PRKN: variants seen among roughly 807,000 people sequenced by gnomAD.
PRKN encodes the protein parkin RBR E3 ubiquitin protein ligase.
PRKN carries 56 observed loss-of-function variants against 59.5 expected under a neutral mutation model. The observed-to-expected ratio is 0.94, with a 90% CI of 0.76 to 1.18. The LOEUF is 1.18. Among genes scored for constraint, PRKN ranks in the 50% most tolerant of loss-of-function variants. The pLI is 0.00. For missense variants in PRKN, 657 were observed against 596.4 expected, an observed-to-expected ratio of 1.10 and a Z score of -1.06; for synonymous variants, 250 against 222.1, an observed-to-expected ratio of 1.13 and a Z score of -1.12.
intron 1 of PRKN, among the ~76,000 whole-genome samples, chr6:162,452,003 T>C (rs1186635684): frequency 6.6e-6 from 1 of 151,802 alleles, no homozygotes; most frequent in Non-Finnish European, 1.5e-5. Context: ...GAAAAGTTTG[T>C]CTGTCACATA....
intron 7 of PRKN, among the ~76,000 whole-genome samples, chr6:161,779,330 C>T (rs913283403): frequency 3.3e-5 from 5 of 151,964 alleles, no homozygotes; most frequent in African/African-American, 9.7e-5. Context: ...ATATGGGTTC[C>T]ATCAGCTCTT....
At chr6:162,555,816 C>T (rs868286584) in intron 1 of PRKN, among the ~76,000 whole-genome samples, 2 of 151,822 alleles carry the variant, frequency 1.3e-5, no homozygotes, top group South Asian at 4.2e-4. Flanking sequence ...CATGATAAAA[C>T]CCAGTCTCTA....
intron 8 of PRKN, among the ~76,000 whole-genome samples, chr6:161,558,450 A>G (rs1040954840): frequency 6.6e-6 from 1 of 152,052 alleles, no homozygotes; most frequent in Non-Finnish European, 1.5e-5. Context: ...CTGTAGTCCC[A>G]GCTACTCAGG....
intron 7 of PRKN, among the ~76,000 whole-genome samples, chr6:161,707,665 A>G (rs1448756042): frequency 6.6e-6 from 1 of 152,218 alleles, no homozygotes; most frequent in Non-Finnish European, 1.5e-5. Context: ...TATTTGGGAT[A>G]TGCTTCAACT....
intron 9 of PRKN, among the ~76,000 whole-genome samples, chr6:161,514,820 C>A (rs1027034760): frequency 1.3e-5 from 2 of 152,126 alleles, no homozygotes; most frequent in Non-Finnish European, 1.5e-5. Flanking sequence ...GAACCCACCC[C>A]TTGAAAACTG....
In PRKN at chr6:161,445,718, C is replaced by T. The variant is rs1267792209; in HGVS notation, c.1084-58841G>A. 6.6e-6 allele frequency among the ~76,000 whole-genome samples: 1 copy of T among 152,168 alleles called. No homozygotes were observed. The highest frequency in any genetic ancestry group is 1.5e-5 in the Non-Finnish European group (1 of 68,022). On this transcript the variant is annotated intron_variant, in intron 9 of 11. Coordinates refer to ENST00000366898, the MANE Select transcript of PRKN (RefSeq NM_004562.3). This position sits in a 1 kb window ranked among gnomAD's most constrained non-coding sequence, Gnocchi z 7.7. ...AGAGTGCATGGTCTCCCTTCACGTG[C>T]GGGGCCAGGTGACTGCACAGAGTGA...
intron 2 of PRKN, among the ~76,000 whole-genome samples, chr6:162,395,754 G>T (rs983022381): frequency 6.6e-6 from 1 of 152,142 alleles, no homozygotes; most frequent in Non-Finnish European, 1.5e-5. Context: ...TTGTTGTGTG[G>T]TTTAGCAGTT....
chr6:162,694,958 CTT>C (rs1245563114), intron 1 of PRKN: 1 of 152,166 alleles, frequency 6.6e-6, no homozygotes, highest in Non-Finnish European at 1.5e-5. Context: ...TTCTAGTCGA[CTT>C]TGTCAGTATG....
chr6:161,701,944 G>A (rs1041512103), intron 7 of PRKN, among the ~76,000 whole-genome samples: 3 of 152,250 alleles, frequency 2.0e-5, no homozygotes, highest in South Asian at 2.1e-4. Flanking sequence ...TTGACAAGCC[G>A]CATACACTTA....
At chr6:162,554,506 A>G (rs2128204552) in intron 1 of PRKN, among the ~76,000 whole-genome samples, 1 of 152,284 alleles carries the variant, frequency 6.6e-6, no homozygotes, top group South Asian at 2.1e-4. Flanking sequence ...CCATCTCTAA[A>G]TAAATAAATA....
At chr6:162,381,141 G>C (rs1324649245) in intron 2 of PRKN, among the ~76,000 whole-genome samples, 1 of 152,078 alleles carries the variant, frequency 6.6e-6, no homozygotes, top group Non-Finnish European at 1.5e-5. Flanking sequence ...TTCCTAGCCT[G>C]AGTCATTCCA....
Position 162,614,005 on chromosome 6 carries a change from G to C in PRKN, c.7+113657C>G, listed in dbSNP as rs547076978. Among the ~76,000 whole-genome samples the C allele has an allele frequency of 2.6e-5, 4 of 152,208 alleles. No individual in the cohort carries two copies. In the South Asian group the frequency reaches 8.3e-4, roughly 32 times the overall value. On this transcript the variant is annotated intron_variant, in intron 1 of 11. Coordinates refer to ENST00000366898, the MANE Select transcript of PRKN (RefSeq NM_004562.3). ...ACAAAAAGAAGAGAAAAGTCCTGAG[G>C]TTAGCAGGACTAGTGGAATAAATGA...
chr6:162,300,045 C>T (rs1451945564), intron 2 of PRKN, among the ~76,000 whole-genome samples: 5 of 152,052 alleles, frequency 3.3e-5, no homozygotes, highest in South Asian at 2.1e-4. Context: ...AATTTTCATA[C>T]AAAAATGTAC....
At position 161,737,002 on chromosome 6, in the gene PRKN, A is replaced by G. The variant is rs533803114; in HGVS notation, c.871+48770T>C. On this transcript the variant is annotated intron_variant, in intron 7 of 11. Transcript: ENST00000366898. ...CCAAGCATAGCTCAGCGTTCTGCTC[A>G]TGCAGGAAGGAGTACAGTGAAGGGG... Among the ~76,000 whole-genome samples the G allele has an allele frequency of 6.8e-4, 103 of 152,324 alleles. 3 individuals carry two copies. The South Asian group carries it at 0.021, about 31-fold the overall frequency.
At chr6:161,880,841 C>T (rs1298561464) in intron 6 of PRKN, among the ~76,000 whole-genome samples, 4 of 152,104 alleles carry the variant, frequency 2.6e-5, no homozygotes, top group Non-Finnish European at 4.4e-5. Context: ...GAGCAGCGGC[C>T]CTTGTTCTGA....
chr6:161,534,012 C>G lies in PRKN; in HGVS notation c.1083+14842G>C, dbSNP rs140495474. On this transcript the variant is annotated intron_variant, in intron 9 of 11. Coordinates refer to ENST00000366898, the MANE Select transcript of PRKN (RefSeq NM_004562.3). ...TCCACCTGTCCTCCTCGCCCTCACA[C>G]TAGATTACTTTTTCCAAAAGATCTG... Among the ~76,000 whole-genome samples the G allele has an allele frequency of 5.7e-3, 866 of 152,212 alleles. 10 individuals carry two copies. Among genetic ancestry groups the G allele is most frequent in the African/African-American group, 0.019 (798 of 41,528 alleles).
chr6:162,310,297 T>C (rs1337177483), intron 2 of PRKN, among the ~76,000 whole-genome samples: 1 of 152,108 alleles, frequency 6.6e-6, no homozygotes, highest in African/African-American at 2.4e-5. Context: ...TGTAATACCA[T>C]AATAGCTTCT....
intron 1 of PRKN, among the ~76,000 whole-genome samples, chr6:162,637,117 C>T (rs1203496362): frequency 2.6e-5 from 4 of 151,802 alleles, no homozygotes; most frequent in Non-Finnish European, 4.4e-5. Context: ...AATAGCCGGG[C>T]GTGGTGGCGG....
intron 9 of PRKN, among the ~76,000 whole-genome samples, chr6:161,434,024 A>T (rs922786012): frequency 1.4e-4 from 21 of 151,100 alleles, no homozygotes; most frequent in African/African-American, 4.9e-4. Context: ...TTAAAAAAAA[A>T]TTGTCAGTTT....
Sources: allele counts gnomAD v4.1 joint callset (sites outside exome capture counted in the v4.1 genomes callset), GRCh38; gene constraint gnomAD v4.1.1; non-coding constraint Gnocchi (gnomAD v3.1); transcripts MANE v1.5; gene names NCBI Gene and HGNC (gene_info 2026-07-23, HGNC 2026-07-21).